The following VPS41 variants were observed in gnomAD, a reference collection of about 807,000 sequenced individuals.
VPS41 encodes the protein VPS41 subunit of HOPS complex.
In VPS41, 85 loss-of-function variants were observed where a neutral mutation model predicts 130.9. That is an observed-to-expected ratio of 0.65 (90% CI 0.55 to 0.78). VPS41 has a LOEUF of 0.78. Among genes scored for constraint, VPS41 ranks in the 30% least tolerant of loss-of-function variants. The probability of loss-of-function intolerance (pLI) is 0.00; values close to 1 mark genes in which losing one functional copy is unlikely to be tolerated. For missense variants in VPS41, 874 were observed against 1,018.7 expected (o/e 0.86, Z 1.93); for synonymous variants, 335 against 332.9 (o/e 1.01, Z -0.07).
chr7:38,895,989 C>T (rs528887929), intron 2 of VPS41, among the ~76,000 whole-genome samples: 1 of 152,296 alleles, frequency 6.6e-6, no homozygotes, highest in African/African-American at 2.4e-5. Flanking sequence ...CCAGCGTCAA[C>T]TCCAGAGCCG....
rs1469175445 is a variant in VPS41, at chr7:38,725,629, T to G, written c.*617A>C. 6.6e-6 allele frequency: 1 copy of G among 152,288 alleles called. No homozygotes were observed. Among genetic ancestry groups the G allele is most frequent in the Non-Finnish European group, 1.5e-5 (1 of 68,106 alleles). 9.4% of individuals were successfully genotyped at this position (152,288 alleles called of 1,614,324 possible). On this transcript the variant is annotated 3_prime_UTR_variant, in exon 29 of 29. Coordinates refer to ENST00000310301, the MANE Select transcript of VPS41 (RefSeq NM_014396.4). ...ATGGCCAGATACTCTTTGACAGTCG[T>G]CACAGCACACAGAACATGTGATTAG...
intron 2 of VPS41, among the ~76,000 whole-genome samples, chr7:38,876,477 G>C (rs10951578): frequency 0.26 from 39,091 of 151,940 alleles, 6,447 homozygotes; most frequent in Non-Finnish European, 0.38. Context: ...CTGTAGAATG[G>C]GGATGAAAAT....
At chr7:38,855,915 A>G (rs775280535) in intron 4 of VPS41, among the ~76,000 whole-genome samples, 1 of 152,168 alleles carries the variant, frequency 6.6e-6, no homozygotes, top group Non-Finnish European at 1.5e-5. Context: ...ATAACAAAAT[A>G]TCATAGAGTG....
intron 7 of VPS41, among the ~76,000 whole-genome samples, chr7:38,798,575 G>A (rs898913175): frequency 1.3e-5 from 2 of 152,196 alleles, no homozygotes; most frequent in Non-Finnish European, 2.9e-5. Context: ...TTACAGGTGT[G>A]AGCAACCACG....
intron 7 of VPS41, among the ~76,000 whole-genome samples, chr7:38,803,723 TGGA>T (rs1784780228): frequency 6.6e-6 from 1 of 152,178 alleles, no homozygotes; most frequent in South Asian, 2.1e-4. Flanking sequence ...TGAGTGAGTG[TGGA>T]GAAGACCTAG....
At chr7:38,852,665 C>G (rs781764408) in intron 4 of VPS41, among the ~76,000 whole-genome samples, 5 of 152,142 alleles carry the variant, frequency 3.3e-5, no homozygotes, top group African/African-American at 1.2e-4. Context: ...CAAAGCTACA[C>G]AAACAGAAAA....
Position 38,754,935 on chromosome 7 carries a change from T to C in VPS41, c.1697A>G (p.Lys566Arg). The change falls in exon 20 of 29, where the codon AAA becomes AGA. Residue 566 changes from lysine (K) to arginine (R), a missense_variant and splice_region_variant. Lys to Arg is a conservative substitution (Grantham distance 26). Transcript: ENST00000310301. ...ATTGTCCAAAAGCATGTCAACAGCT[T>C]TCTGAAACATATAAGAAAAGCCACA... ...IVLLMDFDSE[K>R]AVDMLLDNED... 1 of 1,613,420 alleles carries C rather than the reference T, an allele frequency of 6.2e-7. No individual in the cohort carries two copies. The highest frequency in any genetic ancestry group is 8.5e-7 in the Non-Finnish European group (1 of 1,179,672).
intron 2 of VPS41, among the ~76,000 whole-genome samples, chr7:38,870,144 C>T (rs3801123): frequency 2.0e-5 from 3 of 152,220 alleles, no homozygotes; most frequent in East Asian, 3.9e-4. Context: ...AGCAGCACAC[C>T]TTCTGGCACT....
intron 25 of VPS41, among the ~76,000 whole-genome samples, chr7:38,738,417 C>A (rs868360411): frequency 3.9e-5 from 6 of 152,256 alleles, no homozygotes; most frequent in Middle Eastern, 3.4e-3. Flanking sequence ...ATATTTCCTA[C>A]AGAAGTGTTG....
intron 23 of VPS41, among the ~76,000 whole-genome samples, chr7:38,744,682 C>T (rs1168754697): frequency 6.6e-6 from 1 of 152,060 alleles, no homozygotes; most frequent in Non-Finnish European, 1.5e-5. Flanking sequence ...TGATTAGAAC[C>T]CCAGGAACAT....
chr7:38,758,897 G>C (rs1347087456), intron 17 of VPS41, among the ~76,000 whole-genome samples: 1 of 152,224 alleles, frequency 6.6e-6, no homozygotes, highest in Non-Finnish European at 1.5e-5. Context: ...TGAACACCTG[G>C]AGGTTCCTGG....
rs11539452 is a variant in VPS41 at position 38,728,578 on chromosome 7, T to C, written c.2368A>G (p.Ile790Val). The C allele has an allele frequency of 1.2e-6, 2 of 1,614,076 alleles. No individual in the cohort carries two copies. The highest frequency in any genetic ancestry group is 2.7e-5 in the African/African-American group (2 of 74,942). The change falls in exon 27 of 29, where the codon ATC (isoleucine) becomes GTC (valine). Residue 790 changes from isoleucine (I) to valine (V), a missense_variant. Transcript: ENST00000310301. ...ATAGGGGAAAGGCACGACTCACAGA[T>C]GTTCTCCTCTGTAAGAAAACACACA... Reference protein sequence around the residue: ...MKGVLVDEENICESCLSPILP... With the variant: ...MKGVLVDEENVCESCLSPILP...
At chr7:38,743,328 A>G in intron 24 of VPS41, 74 bp downstream of exon 24, 1 of 1,544,218 alleles carries the variant, frequency 6.5e-7, no homozygotes, top group Non-Finnish European at 8.9e-7. Context: ...ATCTTGAAAT[A>G]GTTTTTAATC....
At chr7:38,877,430 T>C (rs186281430) in intron 2 of VPS41, among the ~76,000 whole-genome samples, 348 of 152,282 alleles carry the variant, frequency 2.3e-3, no homozygotes, top group Non-Finnish European at 3.4e-3. Flanking sequence ...GATAAATTTA[T>C]AGAAGTGGAA....
At chr7:38,771,060 G>T (rs1319649586) in intron 14 of VPS41, 138 bp downstream of exon 14, 2 of 667,450 alleles carry the variant, frequency 3.0e-6, no homozygotes, top group Non-Finnish European at 5.1e-6. Context: ...AAAATATTTT[G>T]ATCTCATAGG....
chr7:38,775,828 A>T (rs954399886), intron 11 of VPS41, among the ~76,000 whole-genome samples: 1 of 133,376 alleles, frequency 7.5e-6, no homozygotes, highest in Non-Finnish European at 1.5e-5. Context: ...TTGCCATTTA[A>T]AAAAAAAAAA....
chr7:38,752,301 G>A lies in VPS41; in HGVS notation c.1801C>T (p.Leu601Phe), dbSNP rs1242516349. The change falls in exon 22 of 29, where the codon CTT becomes TTT. Residue 601 changes from leucine (L) to phenylalanine (F), a missense_variant. Transcript: ENST00000310301. ...CCCTTATGGTGGTCTCTCTTGAAAA[G>A]CTTATGCAAATACTAAAAGGAACAA... ...PELQHVYLHK[L>F]FKRDHHKGQR... 5 of 1,613,604 alleles carry A rather than the reference G, an allele frequency of 3.1e-6. No individual in the cohort carries two copies. The highest frequency in any genetic ancestry group is 4.2e-6 in the Non-Finnish European group (5 of 1,179,778).
chr7:38,895,049 C>T (rs552803618), intron 2 of VPS41, among the ~76,000 whole-genome samples: 2 of 152,204 alleles, frequency 1.3e-5, no homozygotes, highest in Admixed American at 6.5e-5. Flanking sequence ...TGGCCAGGCA[C>T]GGTGGCTCAC....
chr7:38,741,425 C>G, intron 25 of VPS41: 1 of 241,498 alleles, frequency 4.1e-6, no homozygotes, highest in South Asian at 5.3e-5. Flanking sequence ...TAATGAGTTC[C>G]ACTGTTCTTA....
Sources: gnomAD v4.1 joint callset for allele counts (sites outside exome capture counted in the v4.1 genomes callset) on GRCh38, gnomAD v4.1.1 for gene constraint, MANE v1.5 for transcripts, NCBI Gene and HGNC (gene_info 2026-07-23, HGNC 2026-07-21) for gene names.